Variants in PSMG2 observed in about 807,000 individuals in gnomAD.
PSMG2 encodes the protein proteasome assembly chaperone 2, also known as CD40 ligand-activated specific transcript 3.
A neutral mutation model predicts 31.5 loss-of-function variants in PSMG2; 21 were observed. That is an observed-to-expected ratio of 0.67 (90% confidence interval 0.47 to 0.96). The LOEUF is 0.96. PSMG2 is among the 40% of genes least tolerant of loss of function. PSMG2 has a pLI of 0.00. For missense variants in PSMG2, 318 were observed against 321.2 expected, an observed-to-expected ratio of 0.99 and a Z score of 0.08; for synonymous variants, 120 against 110.4, an observed-to-expected ratio of 1.09 and a Z score of -0.54.
At chr18:12,693,637 G>T (rs889534550) in intron 1 of PSMG2, among the ~76,000 whole-genome samples, 2 of 152,046 alleles carry the variant, frequency 1.3e-5, no homozygotes, top group Non-Finnish European at 2.9e-5. Flanking sequence ...ACAAAAATTA[G>T]CTGGGCGTGG....
chr18:12,686,227 T>A (rs771969349), intron 1 of PSMG2: 2 of 1,523,926 alleles, frequency 1.3e-6, no homozygotes, highest in African/African-American at 1.4e-5. Context: ...AACTATGATA[T>A]ACTGCTACTT....
intron 3 of PSMG2, among the ~76,000 whole-genome samples, chr18:12,717,277 T>C (rs1049785780): frequency 6.6e-6 from 1 of 152,128 alleles, no homozygotes; most frequent in Non-Finnish European, 1.5e-5. Flanking sequence ...ACTGCTGCAC[T>C]AGACTACCTT....
chr18:12,703,007 C>T, upstream of PSMG2: 2 of 1,375,790 alleles, frequency 1.5e-6, no homozygotes, highest in Non-Finnish European at 2.0e-6. Flanking sequence ...AAGGACCCTC[C>T]CGCGCCCCGC....
chr18:12,670,739 T>C (rs962367121), intron 1 of PSMG2: 1 of 151,930 alleles, frequency 6.6e-6, no homozygotes, highest in Non-Finnish European at 1.5e-5. Context: ...GCACAATCTT[T>C]TGGGCTCAAG....
intron 2 of PSMG2, among the ~76,000 whole-genome samples, chr18:12,708,122 A>G (rs2040287771): frequency 6.6e-6 from 1 of 152,122 alleles, no homozygotes; most frequent in South Asian, 2.1e-4. Context: ...TCTTTACAAA[A>G]AGAAAAAGAA....
intron 1 of PSMG2, among the ~76,000 whole-genome samples, chr18:12,670,071 T>C (rs2038905529): frequency 6.6e-6 from 1 of 151,974 alleles, no homozygotes; most frequent in East Asian, 1.9e-4. Context: ...GGTCCATGCC[T>C]GTAATCCCGG....
chr18:12,712,677 T>C, intron 2 of PSMG2, 25 bp from the exon 3 acceptor site: 1 of 1,544,356 alleles, frequency 6.5e-7, no homozygotes, highest in Non-Finnish European at 8.9e-7. Flanking sequence ...TGTCATATGA[T>C]TTCATTTTCT....
At chr18:12,674,386 G>A (rs2039045769) in intron 1 of PSMG2, 2 of 586,450 alleles carry the variant, frequency 3.4e-6, no homozygotes, top group Admixed American at 3.4e-5. Flanking sequence ...AGGCTACAGT[G>A]AGCCATAACT....
intron 1 of PSMG2, among the ~76,000 whole-genome samples, chr18:12,683,311 C>T (rs190976700): frequency 2.7e-4 from 40 of 150,900 alleles, no homozygotes; most frequent in Non-Finnish European, 4.7e-4. Context: ...GAGATCGTGA[C>T]ACTGCACTCC....
At chr18:12,718,707 A>G in intron 4 of PSMG2, 72 bp downstream of exon 4, 1 of 1,196,586 alleles carries the variant, frequency 8.4e-7, no homozygotes, top group African/African-American at 1.5e-5. Context: ...TAAAAAGTTA[A>G]ACTTTAAAAG....
chr18:12,673,048 T>A (rs1316421550), intron 1 of PSMG2: 1 of 1,021,650 alleles, frequency 9.8e-7, no homozygotes, highest in Admixed American at 5.7e-5. Context: ...ATTACCTGTT[T>A]GTGTAAAGAA....
intron 1 of PSMG2, among the ~76,000 whole-genome samples, chr18:12,667,760 C>CAAAAAAAAA (rs67167827): frequency 1.1e-5 from 1 of 89,932 alleles, no homozygotes; most frequent in African/African-American, 4.6e-5. Flanking sequence ...GACTCTTTCT[C>CAAAAAAAAA]AAAAAAAAAA....
chr18:12,697,481 T>C, intron 1 of PSMG2: 1 of 1,009,958 alleles, frequency 9.9e-7, no homozygotes, highest in Non-Finnish European at 1.4e-6. Flanking sequence ...AATACTTTTA[T>C]TAAACAGTAA....
intron 1 of PSMG2, among the ~76,000 whole-genome samples, chr18:12,681,612 C>G: frequency 6.6e-6 from 1 of 151,774 alleles, no homozygotes; most frequent in East Asian, 1.9e-4. Flanking sequence ...AGTCATACAG[C>G]AAGAAATGCA....
chr18:12,717,442 C>T (rs1415105192), intron 3 of PSMG2, among the ~76,000 whole-genome samples: 2 of 152,338 alleles, frequency 1.3e-5, no homozygotes, highest in East Asian at 3.9e-4. Flanking sequence ...GAATGTCTTG[C>T]CACACCTACT....
chr18:12,715,401 T>C (rs1434053675), intron 3 of PSMG2, among the ~76,000 whole-genome samples: 1 of 152,234 alleles, frequency 6.6e-6, no homozygotes, highest in Non-Finnish European at 1.5e-5. Context: ...AAGCTCTCAG[T>C]AAATATTTGC....
At chr18:12,696,123 T>C (rs2039948087) in intron 1 of PSMG2, among the ~76,000 whole-genome samples, 1 of 152,242 alleles carries the variant, frequency 6.6e-6, no homozygotes, top group Non-Finnish European at 1.5e-5. Context: ...AATTGGGTAT[T>C]GTTTTTGAAA....
intron 6 of PSMG2, among the ~76,000 whole-genome samples, chr18:12,725,040 C>T (rs1036346888): frequency 6.6e-6 from 1 of 152,128 alleles, no homozygotes; most frequent in African/African-American, 2.4e-5. Flanking sequence ...GAGCATTACA[C>T]CCAGGGAAGT....
chr18:12,723,534 G>A (rs1482423363), intron 5 of PSMG2, among the ~76,000 whole-genome samples: 2 of 151,998 alleles, frequency 1.3e-5, no homozygotes, highest in African/African-American at 2.4e-5. Flanking sequence ...AGTACCTACA[G>A]GCACATGCCA....
Sources: gnomAD v4.1 joint callset for allele counts (sites outside exome capture counted in the v4.1 genomes callset) on GRCh38, gnomAD v4.1.1 for gene constraint, MANE v1.5 for transcripts, NCBI Gene and HGNC (gene_info 2026-07-23, HGNC 2026-07-21) for gene names.